MYO1B: variants seen among roughly 807,000 people sequenced by gnomAD.
MYO1B encodes myosin IB, also known as unconventional myosin-Ib.
Under a neutral mutation model 159.7 loss-of-function variants are expected in MYO1B, and 72 were observed. That is an observed-to-expected ratio of 0.45 (90% confidence interval 0.37 to 0.55). The LOEUF (loss-of-function observed/expected upper bound fraction) is 0.55. Among genes scored for constraint, MYO1B ranks in the 20% least tolerant of loss-of-function variants. The pLI is 0.00. For synonymous variants in MYO1B, 468 were observed against 473.8 expected (o/e 0.99, Z 0.16); for missense variants, 1,062 against 1,364.8 (o/e 0.78, Z 3.50).
intron 3 of MYO1B, among the ~76,000 whole-genome samples, chr2:191,303,755 CAT>C (rs1259544258): frequency 5.3e-5 from 8 of 152,100 alleles, no homozygotes; most frequent in Non-Finnish European, 1.0e-4. Context: ...CCCTTTGAGC[CAT>C]ATCTAAGGCA....
At chr2:191,357,055 CT>C (rs1693339480) in intron 7 of MYO1B, among the ~76,000 whole-genome samples, 1 of 152,136 alleles carries the variant, frequency 6.6e-6, no homozygotes, top group South Asian at 2.1e-4. Flanking sequence ...TGGACCACTT[CT>C]TTTTCCAGGA....
At chr2:191,290,757 T>C (rs1427888233) in intron 2 of MYO1B, among the ~76,000 whole-genome samples, 9 of 152,212 alleles carry the variant, frequency 5.9e-5, no homozygotes, top group Admixed American at 5.9e-4. Context: ...AGTTTTTCTG[T>C]AGTCTATTGA....
intron 1 of MYO1B, among the ~76,000 whole-genome samples, chr2:191,248,876 T>G (rs1192672793): frequency 6.6e-6 from 1 of 152,222 alleles, no homozygotes; most frequent in African/African-American, 2.4e-5. Flanking sequence ...CTTTCACGTC[T>G]ATTATTGTAG....
At chr2:191,296,032 C>A in intron 2 of MYO1B, 79 bp from the exon 3 acceptor site, 1 of 698,028 alleles carries the variant, frequency 1.4e-6, no homozygotes, top group Non-Finnish European at 2.2e-6. Flanking sequence ...AGGTTGAAAC[C>A]ATACAACACT....
At chr2:191,370,314 G>C (rs1212817598) in intron 13 of MYO1B, 22 bp downstream of exon 13, 1 of 1,569,988 alleles carries the variant, frequency 6.4e-7, no homozygotes, top group East Asian at 2.2e-5. Flanking sequence ...AATTTTTTTT[G>C]TATTGTCTTT....
chr2:191,337,448 G>A (rs7568167), intron 4 of MYO1B, among the ~76,000 whole-genome samples: 11 of 152,096 alleles, frequency 7.2e-5, no homozygotes, highest in African/African-American at 2.7e-4. Flanking sequence ...TCCATTGTTT[G>A]TAGAAATTAA....
intron 1 of MYO1B, among the ~76,000 whole-genome samples, chr2:191,269,307 T>C (rs924418452): frequency 1.3e-5 from 2 of 152,236 alleles, no homozygotes; most frequent in Admixed American, 1.3e-4. Flanking sequence ...CAAGGTTCGT[T>C]GATGTAGCAT....
intron 19 of MYO1B, 45 bp from the exon 20 acceptor site, chr2:191,393,028 G>C (rs756042741): frequency 6.3e-7 from 1 of 1,575,038 alleles, no homozygotes; most frequent in Non-Finnish European, 8.7e-7. Context: ...TATGCTGTGA[G>C]GTTTCAGAGG....
At chr2:191,315,729 G>A (rs1049339706) in intron 3 of MYO1B, among the ~76,000 whole-genome samples, 4 of 152,234 alleles carry the variant, frequency 2.6e-5, no homozygotes, top group Non-Finnish European at 5.9e-5. Context: ...ACTTAGTAAT[G>A]CATTTTAGAT....
chr2:191,245,886 A>C (rs1476964334), intron 1 of MYO1B: 1 of 152,210 alleles, frequency 6.6e-6, no homozygotes, highest in Non-Finnish European at 1.5e-5. Context: ...TTGTAAACTA[A>C]GTTGCTCTTA....
At chr2:191,322,301 T>C (rs1029105758) in intron 3 of MYO1B, among the ~76,000 whole-genome samples, 4 of 152,192 alleles carry the variant, frequency 2.6e-5, no homozygotes, top group African/African-American at 9.6e-5. Flanking sequence ...AGATGTTTCC[T>C]TCTCTCTGCT....
intron 1 of MYO1B, among the ~76,000 whole-genome samples, chr2:191,257,855 T>G (rs1003631018): frequency 1.3e-5 from 2 of 152,200 alleles, no homozygotes; most frequent in Admixed American, 6.5e-5. Flanking sequence ...TTCTGTACCT[T>G]ATTCCACAAT....
intron 13 of MYO1B, among the ~76,000 whole-genome samples, chr2:191,371,980 A>G (rs758401484): frequency 3.3e-5 from 5 of 152,248 alleles, no homozygotes; most frequent in Admixed American, 1.3e-4. Flanking sequence ...ATGCTTGAGT[A>G]CACACAGAAA....
chr2:191,313,205 T>TTTTTTC (rs1690123772), intron 3 of MYO1B, among the ~76,000 whole-genome samples: 1 of 114,890 alleles, frequency 8.7e-6, no homozygotes, highest in Non-Finnish European at 1.8e-5. Flanking sequence ...TTTTTTTTTT[T>TTTTTTC]TTTTTTTTTT....
chr2:191,270,331 T>G (rs1369310722), intron 1 of MYO1B, among the ~76,000 whole-genome samples: 2 of 152,166 alleles, frequency 1.3e-5, no homozygotes, highest in African/African-American at 4.8e-5. Context: ...TTTTCTAGTT[T>G]TTTTCTATAG....
intron 1 of MYO1B, chr2:191,263,226 A>G (rs1686930653): frequency 3.1e-6 from 2 of 644,788 alleles, no homozygotes; most frequent in Non-Finnish European, 3.9e-6. Context: ...CTTCCTAGCC[A>G]CAGGATATTG....
In MYO1B at chr2:191,330,715, G is replaced by GT. The variant is rs1243796025; in HGVS notation, c.346+694dup. Reference sequence around the variant, plus strand: ...CGTTTAAAGCTGCTGTTATCAGTGGGTTTTTTTTGATGGAACTGATGAGTC... The same window carrying GT: ...CGTTTAAAGCTGCTGTTATCAGTGGGTTTTTTTTTGATGGAACTGATGAGTC... On this transcript the variant is annotated intron_variant, in intron 4 of 30. Transcript: ENST00000392318. 5.9e-5 allele frequency among the ~76,000 whole-genome samples: 9 copies of GT among 152,052 alleles called. 1 individual carries two copies. The highest frequency in any genetic ancestry group is 3.3e-4 in the Admixed American group (5 of 15,260).
chr2:191,381,685 C>T (rs898440694), intron 14 of MYO1B, 119 bp downstream of exon 14: 1 of 694,018 alleles, frequency 1.4e-6, no homozygotes, highest in Non-Finnish European at 2.4e-6. Context: ...CTGTATGATT[C>T]CATCTGTCAT....
At chr2:191,404,677 G>A (rs1238147306) in intron 24 of MYO1B, among the ~76,000 whole-genome samples, 2 of 152,130 alleles carry the variant, frequency 1.3e-5, no homozygotes, top group Non-Finnish European at 2.9e-5. Context: ...CAAATGTTTT[G>A]TTTGCCAGTG....
Sources: gnomAD v4.1 joint callset for allele counts (sites outside exome capture counted in the v4.1 genomes callset) on GRCh38, gnomAD v4.1.1 for gene constraint, MANE v1.5 for transcripts, NCBI Gene and HGNC (gene_info 2026-07-23, HGNC 2026-07-21) for gene names.